PLSCR4: variants seen among roughly 807,000 people sequenced by gnomAD.
PLSCR4 encodes the protein phospholipid scramblase 4, also known as Ca(2+)-dependent phospholipid scramblase 4.
PLSCR4 carries 25 observed loss-of-function variants against 36.3 expected under a neutral mutation model. That is an observed-to-expected ratio of 0.69 (90% CI 0.50 to 0.96). The LOEUF is 0.96. Among genes scored for constraint, PLSCR4 ranks in the 40% least tolerant of loss-of-function variants. PLSCR4 has a pLI of 0.00. For synonymous variants in PLSCR4, 122 were observed against 132.9 expected, an observed-to-expected ratio of 0.92 and a Z score of 0.56; for missense variants, 408 against 414.7, an observed-to-expected ratio of 0.98 and a Z score of 0.14.
intron 3 of PLSCR4, among the ~76,000 whole-genome samples, chr3:146,208,512 C>G (rs902926390): frequency 6.6e-6 from 1 of 151,856 alleles, no homozygotes; most frequent in Non-Finnish European, 1.5e-5. Context: ...ACAATCTATA[C>G]ATCTGACAAA....
chr3:146,201,056 G>C lies in PLSCR4; in HGVS notation c.376C>G (p.Gln126Glu). 1 of 1,556,756 alleles carries C rather than the reference G, an allele frequency of 6.4e-7. No homozygotes were observed. The highest frequency in any genetic ancestry group is 8.6e-7 in the Non-Finnish European group (1 of 1,158,804). Residue 126 changes from glutamine to glutamate, a missense_variant, in exon 5 of 9, where the codon CAG becomes GAG. Transcript: ENST00000354952. ...ATACTTTCCAGAGGCTCAAAATGCTGAAGAACATGTATGTTGTCCAACTGT... is the reference window on the plus strand; with the variant it reads ...ATACTTTCCAGAGGCTCAAAATGCTCAAGAACATGTATGTTGTCCAACTGT... ...LVQLDNIHVL[Q>E]HFEPLEMMTC...
intron 3 of PLSCR4, among the ~76,000 whole-genome samples, chr3:146,207,147 C>T (rs983188672): frequency 2.6e-5 from 4 of 152,030 alleles, no homozygotes; most frequent in Non-Finnish European, 4.4e-5. Context: ...TAATTACTAA[C>T]ATATAATTAC....
chr3:146,214,691 CAT>C (rs1274090207), intron 3 of PLSCR4, among the ~76,000 whole-genome samples: 2 of 151,986 alleles, frequency 1.3e-5, no homozygotes, highest in Admixed American at 6.6e-5. Flanking sequence ...TGTAGAATGC[CAT>C]ATGTTTCAAG....
At chr3:146,216,206 G>A (rs750020856) in intron 3 of PLSCR4, among the ~76,000 whole-genome samples, 14 of 152,114 alleles carry the variant, frequency 9.2e-5, no homozygotes, top group Non-Finnish European at 1.8e-4. Context: ...ACTCCAGCCT[G>A]GGCAACACGG....
At chr3:146,219,895 G>A (rs1346883042) in intron 3 of PLSCR4, among the ~76,000 whole-genome samples, 1 of 151,920 alleles carries the variant, frequency 6.6e-6, no homozygotes, top group Non-Finnish European at 1.5e-5. Flanking sequence ...AGCCAAGATC[G>A]CACCATTGCA....
At chr3:146,243,025 T>C (rs1017315569) in intron 1 of PLSCR4, among the ~76,000 whole-genome samples, 1 of 152,146 alleles carries the variant, frequency 6.6e-6, no homozygotes, top group Non-Finnish European at 1.5e-5. Flanking sequence ...CCCATCAATC[T>C]CTCAGGGAGG....
intron 1 of PLSCR4, among the ~76,000 whole-genome samples, chr3:146,241,161 A>G (rs1210676837): frequency 6.6e-6 from 1 of 152,202 alleles, no homozygotes; most frequent in Non-Finnish European, 1.5e-5. Context: ...CATAAAGTAG[A>G]TTTGTGGCTT....
intron 3 of PLSCR4, among the ~76,000 whole-genome samples, chr3:146,212,595 G>A (rs2034682739): frequency 6.6e-6 from 1 of 151,844 alleles, no homozygotes; most frequent in Admixed American, 6.6e-5. Context: ...GACTACAGGA[G>A]TACAGGAGTG....
At chr3:146,197,601 T>C (rs1486361244) in intron 6 of PLSCR4, among the ~76,000 whole-genome samples, 1 of 152,158 alleles carries the variant, frequency 6.6e-6, no homozygotes, top group Non-Finnish European at 1.5e-5. Context: ...TTTAAAAGTT[T>C]TAAAATATTG....
intron 1 of PLSCR4, among the ~76,000 whole-genome samples, chr3:146,235,880 T>G (rs1197215362): frequency 6.6e-6 from 1 of 152,160 alleles, no homozygotes; most frequent in Non-Finnish European, 1.5e-5. Flanking sequence ...GCCCCTGCCC[T>G]AGAGATCTGT....
intron 3 of PLSCR4, among the ~76,000 whole-genome samples, chr3:146,216,140 G>C (rs368426921): frequency 1.3e-5 from 2 of 152,126 alleles, no homozygotes; most frequent in African/African-American, 4.8e-5. Context: ...TGATGCAGGA[G>C]AATCATTTAG....
At chr3:146,210,974 A>T (rs2034588781) in intron 3 of PLSCR4, among the ~76,000 whole-genome samples, 1 of 152,008 alleles carries the variant, frequency 6.6e-6, no homozygotes, top group Admixed American at 6.6e-5. Flanking sequence ...GGTATTGTTT[A>T]ATCAGTCAAT....
intron 1 of PLSCR4, among the ~76,000 whole-genome samples, chr3:146,234,340 CA>C (rs1387817379): frequency 6.6e-6 from 1 of 152,104 alleles, no homozygotes. Flanking sequence ...CCCTAAAGCT[CA>C]AAAACAGCTG....
intron 8 of PLSCR4, 135 bp from the exon 9 acceptor site, chr3:146,194,590 G>A (rs747066614): frequency 6.7e-6 from 4 of 600,822 alleles, no homozygotes; most frequent in Non-Finnish European, 1.2e-5. Flanking sequence ...TATTTATGAA[G>A]AGCACCTACT....
At chr3:146,202,611 A>G (rs751821955) in intron 4 of PLSCR4, among the ~76,000 whole-genome samples, 7 of 152,154 alleles carry the variant, frequency 4.6e-5, no homozygotes, top group Admixed American at 6.6e-5. Context: ...TTAACAAAAG[A>G]TAATGAAGTT....
intron 3 of PLSCR4, among the ~76,000 whole-genome samples, chr3:146,211,323 A>C (rs1457400331): frequency 1.3e-5 from 2 of 152,084 alleles, no homozygotes; most frequent in African/African-American, 2.4e-5. Context: ...GCATCTTTTC[A>C]TGTGCTTATT....
intron 6 of PLSCR4, among the ~76,000 whole-genome samples, chr3:146,198,778 A>T (rs2033881754): frequency 6.6e-6 from 1 of 151,602 alleles, no homozygotes; most frequent in African/African-American, 2.4e-5. Context: ...GGCTTTGATT[A>T]AAAAAAAATC....
intron 4 of PLSCR4, among the ~76,000 whole-genome samples, chr3:146,205,697 C>T (rs912567936): frequency 2.0e-5 from 3 of 152,020 alleles, no homozygotes; most frequent in Non-Finnish European, 1.5e-5. Context: ...TTTCATCATG[C>T]TACTCAGAAT....
At chr3:146,223,963 T>C (rs2035310744) in intron 1 of PLSCR4, among the ~76,000 whole-genome samples, 1 of 59,546 alleles carries the variant, frequency 1.7e-5, no homozygotes, top group Non-Finnish European at 3.5e-5. Flanking sequence ...AATAAATATT[T>C]ATTTATTTAT....
Sources: allele counts gnomAD v4.1 joint callset (sites outside exome capture counted in the v4.1 genomes callset), GRCh38; gene constraint gnomAD v4.1.1; transcripts MANE v1.5; gene names NCBI Gene and HGNC (gene_info 2026-07-23, HGNC 2026-07-21).